Variants in ZNF10 observed in about 807,000 individuals in gnomAD.
ZNF10 encodes zinc finger protein 10, also known as zinc finger protein 10 (KOX 1).
Under a neutral mutation model 12.2 loss-of-function variants are expected in ZNF10, and 8 were observed. The ratio of observed to expected loss-of-function variants is 0.66; its 90% CI spans 0.39 to 1.18. The LOEUF is 1.18. Ranked by LOEUF, ZNF10 falls within the 50% of genes most tolerant of loss-of-function variation. The pLI is 0.01. For missense variants in ZNF10, 603 were observed against 678.9 expected, an observed-to-expected ratio of 0.89 and a Z score of 1.24; for synonymous variants, 229 against 228.2, an observed-to-expected ratio of 1.00 and a Z score of -0.03.
rs981878015 is a variant in ZNF10 at position 133,146,521 on chromosome 12, G to T, written c.33+1996G>T. Among the ~76,000 whole-genome samples the T allele has an allele frequency of 5.3e-5, 8 of 152,242 alleles. No individual in the cohort carries two copies. In the South Asian group the frequency reaches 6.2e-4, roughly 12 times the overall value. ...TACAGTTCTGTGATTTTTGACAGAT[G>T]CATATAGTTGTGTAGCCCCCACTTC... is the stretch of plus-strand genomic sequence containing the variant. On this transcript the variant is annotated intron_variant, in intron 2 of 4. Transcript: ENST00000248211.
At position 133,151,856 on chromosome 12, in the gene ZNF10, G is replaced by A; in HGVS notation, c.208G>A (p.Glu70Lys). Residue 70 changes from glutamate to lysine, a missense_variant, in exon 4 of 5, where the codon GAA becomes AAA. By Grantham distance (56) the Glu-to-Lys change is moderately conservative. Transcript: ENST00000248211. Reference protein sequence around the residue: ...PDVILRLEKGEEPWLVEREIH... With the variant: ...PDVILRLEKGKEPWLVEREIH... ...TGTGATCCTCCGGTTGGAGAAGGGA[G>A]AAGAGCCCTGGCTGGTGGAGAGAGA... 1 of 1,613,682 alleles carries A rather than the reference G, an allele frequency of 6.2e-7. No homozygotes were observed. The highest frequency in any genetic ancestry group is 1.7e-5 in the Admixed American group (1 of 60,020).
At chr12:133,151,628 G>A (rs1956008038) in intron 3 of ZNF10, among the ~76,000 whole-genome samples, 181 bp from the exon 4 acceptor site, 1 of 152,100 alleles carries the variant, frequency 6.6e-6, no homozygotes, top group Admixed American at 6.5e-5. Flanking sequence ...TGGCAACAGA[G>A]AGAGACTCCA....
intron 3 of ZNF10, 25 bp from the exon 4 acceptor site, chr12:133,151,784 G>A: frequency 1.2e-6 from 2 of 1,604,248 alleles, no homozygotes; most frequent in South Asian, 2.2e-5. Context: ...CTCTTACCCT[G>A]TTCTTTGTCT....
intron 1 of ZNF10, among the ~76,000 whole-genome samples, chr12:133,137,227 T>TG (rs1235164880): frequency 9.2e-5 from 14 of 152,224 alleles, no homozygotes; most frequent in Non-Finnish European, 1.5e-4. Flanking sequence ...CTGGTTTTTT[T>TG]TGGGGCTACT....
chr12:133,133,753 A>G (rs990429857), intron 1 of ZNF10, among the ~76,000 whole-genome samples: 2 of 152,152 alleles, frequency 1.3e-5, no homozygotes, highest in African/African-American at 4.8e-5. Flanking sequence ...GTGCTTTGGA[A>G]CTGCGTGTGC....
At position 133,158,531 on chromosome 12, in the gene ZNF10, C is replaced by A. The variant is rs1048438364; in HGVS notation, c.*1563C>A. On this transcript the variant is annotated 3_prime_UTR_variant, in exon 5 of 5. Transcript: ENST00000248211. ...AGGTTTTCCATTCTATGGAGAGGAT[C>A]CCAGTCTTCAGATTCTCTGGTAAGT... 2 of 152,168 alleles carry A rather than the reference C, an allele frequency of 1.3e-5. No individual in the cohort carries two copies. The highest frequency in any genetic ancestry group is 4.8e-5 in the African/African-American group (2 of 41,426). 9.4% of individuals were successfully genotyped at this position (152,168 alleles called of 1,614,324 possible). A position where few individuals can be genotyped will look rare whatever the true frequency, so the allele number is the denominator to read the frequency against.
chr12:133,138,756 C>T (rs1955927395), intron 1 of ZNF10, among the ~76,000 whole-genome samples: 1 of 152,116 alleles, frequency 6.6e-6, no homozygotes. Context: ...GAGGGAAGGA[C>T]CCATGTCTGA....
chr12:133,135,699 T>A (rs1169897943), intron 1 of ZNF10, among the ~76,000 whole-genome samples: 5 of 152,212 alleles, frequency 3.3e-5, no homozygotes, highest in African/African-American at 9.6e-5. Flanking sequence ...ATCTGTCAGC[T>A]CCTTCCTTGA....
intron 2 of ZNF10, among the ~76,000 whole-genome samples, chr12:133,146,764 T>C (rs1214938999): frequency 2.0e-5 from 3 of 151,976 alleles, no homozygotes; most frequent in African/African-American, 7.3e-5. Flanking sequence ...GAGAATTGCT[T>C]GAACTCAGGG....
chr12:133,134,093 G>A (rs992039551), intron 1 of ZNF10, among the ~76,000 whole-genome samples: 2 of 149,254 alleles, frequency 1.3e-5, no homozygotes, highest in Non-Finnish European at 3.0e-5. Flanking sequence ...GAGGTCAGGA[G>A]TTCGAGACCA....
At chr12:133,146,239 A>C (rs1314408013) in intron 2 of ZNF10, among the ~76,000 whole-genome samples, 1 of 152,180 alleles carries the variant, frequency 6.6e-6, no homozygotes, top group Non-Finnish European at 1.5e-5. Context: ...AGGTACCTCC[A>C]TTACGTCACC....
At chr12:133,134,859 C>G (rs1955902067) in intron 1 of ZNF10, among the ~76,000 whole-genome samples, 1 of 152,144 alleles carries the variant, frequency 6.6e-6, no homozygotes, top group African/African-American at 2.4e-5. Context: ...AGAAAAATCT[C>G]TTTGCAAATG....
Position 133,135,877 on chromosome 12 carries a change from A to G in ZNF10, c.-60+5123A>G, listed in dbSNP as rs140970248. ...CAGGCAGCGAGTGCTGCTTGAGGAA[A>G]TCACAGCTAGGCAGACAAGTATGAC... On this transcript the variant is annotated intron_variant, in intron 1 of 4. Coordinates refer to ENST00000248211, the MANE Select transcript of ZNF10 (RefSeq NM_015394.5). Among the ~76,000 whole-genome samples, 681 of 152,354 alleles carry G rather than the reference A, an allele frequency of 4.5e-3. 9 individuals carry two copies. Among genetic ancestry groups the G allele is most frequent in the Admixed American group, 7.8e-3 (119 of 15,306 alleles).
chr12:133,144,392 CA>C (rs1345051364), intron 1 of ZNF10, 41 bp from the exon 2 acceptor site: 19 of 1,279,684 alleles, frequency 1.5e-5, no homozygotes, highest in East Asian at 9.5e-5. Context: ...GGGAGCCTCC[CA>C]GTCATAGCAA....
Position 133,159,285 on chromosome 12 carries a change from T to C in ZNF10, c.*2317T>C, listed in dbSNP as rs1956059330. On this transcript the variant is annotated 3_prime_UTR_variant, in exon 5 of 5. Coordinates refer to ENST00000248211, the MANE Select transcript of ZNF10 (RefSeq NM_015394.5). Reference sequence around the variant, plus strand: ...AATTTGCAAAATAAAAAATGTACACTAGCATAATATTTGTGGCATATCCGT... The same window carrying C: ...AATTTGCAAAATAAAAAATGTACACCAGCATAATATTTGTGGCATATCCGT... The C allele has an allele frequency of 6.6e-6, 1 of 152,242 alleles. No individual in the cohort carries two copies. Among genetic ancestry groups the C allele is most frequent in the East Asian group, 1.9e-4 (1 of 5,194 alleles). 9.4% of individuals were successfully genotyped at this position (152,242 alleles called of 1,614,324 possible).
intron 1 of ZNF10, among the ~76,000 whole-genome samples, chr12:133,134,505 C>T (rs1955900019): frequency 6.6e-6 from 1 of 152,172 alleles, no homozygotes; most frequent in Non-Finnish European, 1.5e-5. Context: ...CCAGAAGGAA[C>T]ACAGCTCTGC....
At chr12:133,148,936 G>C (rs535698831) in intron 2 of ZNF10, among the ~76,000 whole-genome samples, 1 of 151,922 alleles carries the variant, frequency 6.6e-6, no homozygotes, top group East Asian at 1.9e-4. Context: ...ATTTTTAGTA[G>C]AGACAGGGTT....
chr12:133,131,308 A>G (rs897654034), intron 1 of ZNF10, among the ~76,000 whole-genome samples: 2 of 150,000 alleles, frequency 1.3e-5, no homozygotes, highest in Non-Finnish European at 3.0e-5. Flanking sequence ...TTTAATTACT[A>G]TATTTTTATT....
intron 1 of ZNF10, among the ~76,000 whole-genome samples, chr12:133,141,666 G>A (rs553479521): frequency 7.9e-5 from 12 of 151,498 alleles, no homozygotes; most frequent in African/African-American, 2.2e-4. Context: ...AAAGAAACCA[G>A]AAAAAAAATG....
Sources: allele counts gnomAD v4.1 joint callset (sites outside exome capture counted in the v4.1 genomes callset), GRCh38; gene constraint gnomAD v4.1.1; transcripts MANE v1.5; gene names NCBI Gene and HGNC (gene_info 2026-07-23, HGNC 2026-07-21).